Variants in TRNT1 observed in about 807,000 individuals in gnomAD.
TRNT1 encodes the protein tRNA nucleotidyl transferase 1, also known as CCA tRNA nucleotidyltransferase 1, mitochondrial.
In TRNT1, 44 loss-of-function variants were observed where a neutral mutation model predicts 45.6. The ratio of observed to expected loss-of-function variants is 0.97; its 90% CI spans 0.76 to 1.24. The LOEUF (loss-of-function observed/expected upper bound fraction) is 1.24, where lower values mean the gene tolerates loss of function less well. Among genes scored for constraint, TRNT1 ranks in the 50% most tolerant of loss-of-function variants. The pLI, the probability that TRNT1 is intolerant of heterozygous loss-of-function variation, is 0.00. For synonymous variants in TRNT1, 201 were observed against 171.4 expected (o/e 1.17, Z -1.35); for missense variants, 633 against 504.4 (o/e 1.25, Z -2.44).
chr3:3,149,899 G>A (rs959098760), downstream of TRNT1: 1 of 152,062 alleles, frequency 6.6e-6, no homozygotes, highest in African/African-American at 2.4e-5. Context: ...AAATGTGGAA[G>A]GAAGGACCCA....
chr3:3,140,498 AT>A lies in TRNT1; in HGVS notation c.343-9del, dbSNP rs768323055. 1.2e-6 allele frequency: 2 copies of A among 1,610,694 alleles called. No homozygotes were observed. Among genetic ancestry groups the A allele is most frequent in the Non-Finnish European group, 1.7e-6 (2 of 1,178,608 alleles). ...TTAAATGACAACAAAAACCCCATGT[AT>A]TTAATTGCAGCTTCATGAAGAAAAT... On this transcript the variant is annotated splice_polypyrimidine_tract_variant and intron_variant, in intron 3 of 7. Coordinates refer to ENST00000251607, the MANE Select transcript of TRNT1 (RefSeq NM_182916.3).
At chr3:3,135,471 TGTG>T (rs1308004841) in intron 2 of TRNT1, among the ~76,000 whole-genome samples, 10 of 152,188 alleles carry the variant, frequency 6.6e-5, no homozygotes, top group African/African-American at 2.2e-4. Flanking sequence ...AGGGAGGTGA[TGTG>T]GTCCCAGAAG....
chr3:3,141,183 TG>T (rs1396815034), intron 4 of TRNT1, among the ~76,000 whole-genome samples: 1 of 152,242 alleles, frequency 6.6e-6, no homozygotes, highest in East Asian at 1.9e-4. Flanking sequence ...TTTGTACCGC[TG>T]TTGTGAGGTT....
At chr3:3,144,859 T>C (rs997451701) in intron 5 of TRNT1, 149 bp downstream of exon 5, 30 of 624,748 alleles carry the variant, frequency 4.8e-5, no homozygotes, top group South Asian at 1.2e-4. Flanking sequence ...CTATGACTTA[T>C]GAGTGAAAAT....
chr3:3,147,869 T>G, intron 7 of TRNT1, 37 bp from the exon 8 acceptor site: 1 of 1,587,320 alleles, frequency 6.3e-7, no homozygotes, highest in Non-Finnish European at 8.6e-7. Flanking sequence ...TATGTTTTCA[T>G]GTGTGACGAA....
intron 2 of TRNT1, among the ~76,000 whole-genome samples, chr3:3,134,992 T>A (rs1177297007): frequency 6.6e-6 from 1 of 152,046 alleles, no homozygotes; most frequent in African/African-American, 2.4e-5. Context: ...TACCTCTTAG[T>A]GGGCCATGAA....
At chr3:3,138,272 GT>G (rs1277345729) in intron 3 of TRNT1, among the ~76,000 whole-genome samples, 1 of 152,180 alleles carries the variant, frequency 6.6e-6, no homozygotes, top group Non-Finnish European at 1.5e-5. Flanking sequence ...TGGTTTGATA[GT>G]TACGGTTATA....
rs1361400002 is a variant in TRNT1 at position 3,129,025 on chromosome 3, G to A, written c.-16G>A. On this transcript the variant is annotated 5_prime_UTR_variant, in exon 2 of 8. It adds an upstream start codon to the 5' untranslated region. Transcript: ENST00000251607. ...TATTTGCCTTGTAGATGTGTAGTTG[G>A]TGACTGCCTCTCCAGATGCTGAGGT... 6.3e-7 allele frequency: 1 copy of A among 1,585,848 alleles called. No homozygotes were observed. Among genetic ancestry groups the A allele is most frequent in the African/African-American group, 1.3e-5 (1 of 74,544 alleles).
In TRNT1 at chr3:3,140,568, G is replaced by A. The variant is rs767333652; in HGVS notation, c.401G>A (p.Arg134Lys). 1.2e-6 allele frequency: 2 copies of A among 1,614,178 alleles called. No individual in the cohort carries two copies. The highest frequency in any genetic ancestry group is 1.7e-6 in the Non-Finnish European group (2 of 1,180,014). Residue 134 changes from arginine to lysine, a missense_variant, in exon 4 of 8, where the codon AGA (arginine) becomes AAA (lysine). Physicochemically the swap from Arg to Lys is conservative, Grantham distance 26. Coordinates refer to ENST00000251607, the MANE Select transcript of TRNT1 (RefSeq NM_182916.3). ...CGGATTGATGTCACCACTGATGGAA[G>A]ACATGCTGAGGTAGAATTTACAACT... ...TLRIDVTTDGRHAEVEFTTDW... is the reference protein window; with the variant it reads ...TLRIDVTTDGKHAEVEFTTDW...
intron 2 of TRNT1, among the ~76,000 whole-genome samples, chr3:3,134,694 A>G (rs546755343): frequency 4.6e-5 from 7 of 152,242 alleles, no homozygotes; most frequent in Admixed American, 4.6e-4. Context: ...AAAAAACCCA[A>G]TACTTACCAG....
rs1183763360 is a variant in TRNT1, at chr3:3,147,537, C to T, written c.890C>T (p.Ala297Val). 1 of 1,613,716 alleles carries T rather than the reference C, an allele frequency of 6.2e-7. No homozygotes were observed. The highest frequency in any genetic ancestry group is 1.3e-5 in the African/African-American group (1 of 74,860). Residue 297 changes from alanine (A) to valine (V), a missense_variant, in exon 7 of 8, where the codon GCC becomes GTC. Ala to Val is a moderately conservative substitution (Grantham distance 64, BLOSUM62 0). Transcript: ENST00000251607. ...GFSPKPVTLL[A>V]SLFKVQDDVT... ...TCACCAAAGCCAGTGACTCTTTTGG[C>T]CTCATTATTCAAAGTACAAGATGAT...
chr3:3,152,661 TGAAGTTCACCAA>T, downstream of TRNT1: 1 of 1,561,464 alleles, frequency 6.4e-7, no homozygotes, highest in Admixed American at 1.7e-5. Flanking sequence ...AGAATTTTAT[TGAAGTTCACCAA>T]GAAATGAGGT....
chr3:3,133,914 A>G (rs1247679048), intron 2 of TRNT1, among the ~76,000 whole-genome samples: 1 of 152,174 alleles, frequency 6.6e-6, no homozygotes, highest in African/African-American at 2.4e-5. Context: ...TGTAAAGGGA[A>G]GACGTTCATG....
downstream of TRNT1, chr3:3,149,330 A>C (rs963307909): frequency 5.9e-5 from 9 of 152,158 alleles, no homozygotes; most frequent in African/African-American, 2.2e-4. Flanking sequence ...ACGTCATATA[A>C]TACATACTAT....
chr3:3,150,930 G>A (rs1457385788), downstream of TRNT1: 9 of 1,614,014 alleles, frequency 5.6e-6, no homozygotes, highest in Non-Finnish European at 7.6e-6. Context: ...GTGGGCAACA[G>A]AGCAGATCGC....
downstream of TRNT1, chr3:3,151,099 T>TATCA (rs1249591465): frequency 5.7e-6 from 9 of 1,578,600 alleles, no homozygotes; most frequent in African/African-American, 5.4e-5. Context: ...ACTCCAAGCC[T>TATCA]ATCATATAAA....
At position 3,147,542 on chromosome 3, in the gene TRNT1, T is replaced by A; in HGVS notation, c.895T>A (p.Leu299Ile). Residue 299 changes from leucine (L) to isoleucine (I), a missense_variant, in exon 7 of 8, where the codon TTA becomes ATA. Physicochemically the swap from Leu to Ile is conservative, Grantham distance 5 (BLOSUM62 2). Transcript: ENST00000251607. ...SPKPVTLLAS[L>I]FKVQDDVTKL... ...AAAGCCAGTGACTCTTTTGGCCTCA[T>A]TATTCAAAGTACAAGATGATGTCAC... 1 of 1,613,938 alleles carries A rather than the reference T, an allele frequency of 6.2e-7. No individual in the cohort carries two copies. The highest frequency in any genetic ancestry group is 8.5e-7 in the Non-Finnish European group (1 of 1,179,868).
intron 2 of TRNT1, chr3:3,129,981 G>A (rs999038964): frequency 7.7e-6 from 12 of 1,550,170 alleles, no homozygotes; most frequent in African/African-American, 5.5e-5. Flanking sequence ...CATTGTGCAC[G>A]TTGCAAAACC....
Position 3,146,416 on chromosome 3 carries a change from ATT to A in TRNT1, c.609-11_609-10del. The A allele has an allele frequency of 1.2e-6, 2 of 1,600,502 alleles. No individual in the cohort carries two copies. Among genetic ancestry groups the A allele is most frequent in the Non-Finnish European group, 1.7e-6 (2 of 1,174,836 alleles). ...AATATAGAGGTAATACCCTGTGAAGATTTTGTCTTGTAGGTTTTATGGGAGAA... is the reference window on the plus strand; with the variant it reads ...AATATAGAGGTAATACCCTGTGAAGATTGTCTTGTAGGTTTTATGGGAGAA... On this transcript the variant is annotated splice_polypyrimidine_tract_variant and intron_variant, in intron 5 of 7. Transcript: ENST00000251607.
Sources: allele counts gnomAD v4.1 joint callset (sites outside exome capture counted in the v4.1 genomes callset), GRCh38; gene constraint gnomAD v4.1.1; transcripts MANE v1.5; gene names NCBI Gene and HGNC (gene_info 2026-07-23, HGNC 2026-07-21).